The following KDM3A variants were observed in gnomAD, a reference collection of about 807,000 sequenced individuals.
KDM3A encodes the protein lysine-specific demethylase 3A.
Under a neutral mutation model 158.0 loss-of-function variants are expected in KDM3A, and 60 were observed. The observed-to-expected ratio is 0.38, with a 90% confidence interval of 0.31 to 0.47. KDM3A has a LOEUF of 0.47. Ranked by LOEUF, KDM3A falls within the 20% of genes least tolerant of loss-of-function variation. KDM3A has a pLI of 0.99. For missense variants in KDM3A, 1,319 were observed against 1,574.3 expected (o/e 0.84, Z 2.74); for synonymous variants, 608 against 549.3 (o/e 1.11, Z -1.49).
chr2:86,483,939 G>A (rs113579039), intron 18 of KDM3A, 48 bp from the exon 19 acceptor site: 7 of 1,500,060 alleles, frequency 4.7e-6, no homozygotes, highest in Non-Finnish European at 5.5e-6. Context: ...CGGGAGTGGG[G>A]ACAGAGCTGG....
intron 8 of KDM3A, among the ~76,000 whole-genome samples, chr2:86,459,413 T>G (rs1672836093): frequency 6.6e-6 from 1 of 152,130 alleles, no homozygotes; most frequent in African/African-American, 2.4e-5. Context: ...AATATCAGTT[T>G]GGAGAAGTTG....
intron 5 of KDM3A, 66 bp downstream of exon 5, chr2:86,455,253 G>T (rs1672639014): frequency 8.2e-6 from 7 of 857,950 alleles, no homozygotes; most frequent in East Asian, 5.6e-5. Flanking sequence ...AGAAACTAGG[G>T]TTTAGCCTCT....
chr2:86,455,960 AAAAAAAAAAAAAAG>A (rs890711529), intron 5 of KDM3A, among the ~76,000 whole-genome samples: 6 of 151,468 alleles, frequency 4.0e-5, no homozygotes, highest in African/African-American at 1.2e-4. Flanking sequence ...TCTCAAAAAA[AAAAAAAAAAAAAAG>A]AAAAGAAAAA....
rs72930366 is a variant in KDM3A at position 86,455,042 on chromosome 2, A to G, written c.454-43A>G. 9.4e-4 allele frequency: 1,090 copies of G among 1,155,598 alleles called. 13 individuals carry two copies. The African/African-American group carries it at 0.015, about 16-fold the overall frequency. The allele number at this position is 1,155,598 out of a possible 1,614,324, so 71.6% of individuals were successfully genotyped here. On this transcript the variant is annotated intron_variant, in intron 4 of 25. Transcript: ENST00000312912. ...CACTGGAATTTAAATAACTCTTCTTATTAACTGTTACCCTTAACATGTAAT... is the reference window on the plus strand; with the variant it reads ...CACTGGAATTTAAATAACTCTTCTTGTTAACTGTTACCCTTAACATGTAAT...
At chr2:86,489,721 TGTG>T in intron 23 of KDM3A, 62 bp downstream of exon 23, 4 of 1,520,552 alleles carry the variant, frequency 2.6e-6, no homozygotes, top group Non-Finnish European at 3.5e-6. Context: ...TGTTACTACA[TGTG>T]GTGAACTGAC....
intron 12 of KDM3A, among the ~76,000 whole-genome samples, chr2:86,476,137 TAGAG>T (rs1219333549): frequency 6.6e-6 from 1 of 152,200 alleles, no homozygotes; most frequent in Non-Finnish European, 1.5e-5. Context: ...CCATTTTCAA[TAGAG>T]ATACAAAGTT....
At chr2:86,446,486 TGGTCAGGA>T (rs753526519) in intron 2 of KDM3A, among the ~76,000 whole-genome samples, 1 of 152,166 alleles carries the variant, frequency 6.6e-6, no homozygotes, top group South Asian at 2.1e-4. Flanking sequence ...GTGGATCATC[TGGTCAGGA>T]GGTCAGGAGT....
chr2:86,442,912 G>A (rs1311579045), intron 2 of KDM3A, among the ~76,000 whole-genome samples: 2 of 152,102 alleles, frequency 1.3e-5, no homozygotes, highest in Non-Finnish European at 2.9e-5. Context: ...CGCATGAGGG[G>A]AGGGAGAGAA....
At chr2:86,458,566 A>G (rs1672799203) in intron 8 of KDM3A, among the ~76,000 whole-genome samples, 1 of 152,206 alleles carries the variant, frequency 6.6e-6, no homozygotes, top group Non-Finnish European at 1.5e-5. Flanking sequence ...CCTGTCTCAG[A>G]TTCCATAGGA....
intron 2 of KDM3A, chr2:86,443,259 T>G (rs1682816086): frequency 6.6e-6 from 1 of 152,250 alleles, no homozygotes; most frequent in South Asian, 2.1e-4. Flanking sequence ...TAAACTATGT[T>G]CAAATAAAGG....
At chr2:86,468,799 A>G (rs967386231) in intron 10 of KDM3A, among the ~76,000 whole-genome samples, 2 of 152,174 alleles carry the variant, frequency 1.3e-5, no homozygotes, top group Non-Finnish European at 2.9e-5. Context: ...GCTCCTCGGA[A>G]GTGGGCGTTG....
intron 1 of KDM3A, 59 bp from the exon 2 acceptor site, chr2:86,441,959 T>C (rs1329704405): frequency 2.3e-6 from 3 of 1,295,170 alleles, no homozygotes; most frequent in Non-Finnish European, 3.3e-6. Context: ...CCCTGCTGTC[T>C]CCGCCCGGCC....
intron 5 of KDM3A, among the ~76,000 whole-genome samples, chr2:86,455,753 C>A (rs1327658015): frequency 2.6e-5 from 4 of 151,514 alleles, no homozygotes; most frequent in Non-Finnish European, 4.4e-5. Flanking sequence ...GAGTTCAAGA[C>A]CAGCTTGGGC....
chr2:86,470,799 A>T (rs535020500), intron 11 of KDM3A, among the ~76,000 whole-genome samples: 3 of 152,266 alleles, frequency 2.0e-5, no homozygotes, highest in Admixed American at 6.5e-5. Flanking sequence ...TTACTTTCCC[A>T]TTACATAGTA....
At chr2:86,486,018 CAT>C (rs1196834477) in intron 21 of KDM3A, among the ~76,000 whole-genome samples, 159 bp downstream of exon 21, 8 of 87,126 alleles carry the variant, frequency 9.2e-5, no homozygotes, top group East Asian at 5.2e-4. Context: ...TCCCTGGCCA[CAT>C]GTTTGTGTGT....
chr2:86,489,697 G>A, intron 23 of KDM3A, 38 bp downstream of exon 23: 1 of 1,575,456 alleles, frequency 6.3e-7, no homozygotes, highest in Non-Finnish European at 8.6e-7. Flanking sequence ...GAGGCATAAG[G>A]AATAGCAATA....
intron 8 of KDM3A, among the ~76,000 whole-genome samples, chr2:86,458,264 CTT>C (rs931238049): frequency 1.5e-4 from 23 of 152,326 alleles, no homozygotes; most frequent in Admixed American, 6.5e-4. Context: ...TTTCTTGAAT[CTT>C]TCCTGTATAC....
intron 9 of KDM3A, among the ~76,000 whole-genome samples, chr2:86,464,926 GA>G (rs2104661199): frequency 6.6e-6 from 1 of 152,300 alleles, no homozygotes; most frequent in East Asian, 1.9e-4. Context: ...GGTTCACTGG[GA>G]AAAAGTAGTC....
chr2:86,458,650 G>A (rs920189345), intron 8 of KDM3A, among the ~76,000 whole-genome samples: 1 of 152,176 alleles, frequency 6.6e-6, no homozygotes, highest in African/African-American at 2.4e-5. Context: ...CTCTGCAGGT[G>A]CCTCAAGAAG....
Sources: allele counts gnomAD v4.1 joint callset (sites outside exome capture counted in the v4.1 genomes callset), GRCh38; gene constraint gnomAD v4.1.1; transcripts MANE v1.5; gene names NCBI Gene and HGNC (gene_info 2026-07-23, HGNC 2026-07-21).